The following NT5DC1 variants were observed in gnomAD, a reference collection of about 807,000 sequenced individuals.
NT5DC1 encodes 5'-nucleotidase domain containing 1, also known as 5'-nucleotidase domain-containing protein 1.
NT5DC1 carries 42 observed loss-of-function variants against 59.4 expected under a neutral mutation model. That is an observed-to-expected ratio of 0.71 (90% CI 0.55 to 0.92). NT5DC1 has a LOEUF of 0.92. Among genes scored for constraint, NT5DC1 ranks in the 40% least tolerant of loss-of-function variants. The pLI, the probability that NT5DC1 is intolerant of heterozygous loss-of-function variation, is 0.00. For synonymous variants in NT5DC1, 172 were observed against 188.1 expected, an observed-to-expected ratio of 0.91 and a Z score of 0.70; for missense variants, 501 against 537.1, an observed-to-expected ratio of 0.93 and a Z score of 0.66.
In NT5DC1 at chr6:116,240,676, TTAAA is replaced by T. The variant is rs1378779503; in HGVS notation, c.1252+1556_1252+1559del. 3.3e-5 allele frequency among the ~76,000 whole-genome samples: 5 copies of T among 152,200 alleles called. No individual in the cohort carries two copies. The East Asian group carries it at 9.6e-4, about 29-fold the overall frequency. ...GTTAACTGCTAAATGCCAAAGATAATTAAATATTAAAAGCAATCAAGAGCATAAA... is the reference window on the plus strand; with the variant it reads ...GTTAACTGCTAAATGCCAAAGATAATTATTAAAAGCAATCAAGAGCATAAA... On this transcript the variant is annotated intron_variant, in intron 11 of 11. Coordinates refer to ENST00000319550, the MANE Select transcript of NT5DC1 (RefSeq NM_152729.3).
At position 116,225,689 on chromosome 6, in the gene NT5DC1, G is replaced by C. The variant is rs187050020; in HGVS notation, c.802+2558G>C. On this transcript the variant is annotated intron_variant, in intron 8 of 11. Transcript: ENST00000319550. Reference sequence around the variant, plus strand: ...TCTTGAGTAGTTCATTGGAGGTATGGAACCAGGGTATATGTGCAGCTCTTT... The same window carrying C: ...TCTTGAGTAGTTCATTGGAGGTATGCAACCAGGGTATATGTGCAGCTCTTT... Among the ~76,000 whole-genome samples the C allele has an allele frequency of 3.3e-3, 502 of 152,334 alleles. 15 individuals are homozygous for C. The South Asian group carries it at 0.047, about 14-fold the overall frequency.
chr6:116,241,641 C>T (rs535872372), intron 11 of NT5DC1, among the ~76,000 whole-genome samples: 100 of 152,122 alleles, frequency 6.6e-4, no homozygotes, highest in African/African-American at 2.3e-3. Flanking sequence ...ATCAGCAAGA[C>T]GGCCGGGTGC....
chr6:116,123,623 ATTCC>A (rs1779203716), intron 6 of NT5DC1, among the ~76,000 whole-genome samples: 1 of 152,184 alleles, frequency 6.6e-6, no homozygotes, highest in South Asian at 2.1e-4. Context: ...AACTCTTTGA[ATTCC>A]TGTTTCAACT....
intron 6 of NT5DC1, among the ~76,000 whole-genome samples, chr6:116,209,109 T>C (rs943553427): frequency 9.2e-5 from 14 of 152,042 alleles, no homozygotes; most frequent in African/African-American, 3.4e-4. Context: ...GTGCATTATA[T>C]ATAACTAATT....
intron 6 of NT5DC1, chr6:116,120,980 C>T (rs1385865093): frequency 6.2e-7 from 1 of 1,613,950 alleles, no homozygotes. Flanking sequence ...AGGGGAACCC[C>T]TTTCACCCTT....
At chr6:116,154,889 A>G (rs1780145228) in intron 6 of NT5DC1, among the ~76,000 whole-genome samples, 1 of 152,170 alleles carries the variant, frequency 6.6e-6, no homozygotes, top group African/African-American at 2.4e-5. Context: ...TTTTAATATC[A>G]TTTTTCTTCA....
chr6:116,152,776 C>A (rs10440871), intron 6 of NT5DC1, among the ~76,000 whole-genome samples: 5,253 of 152,126 alleles, frequency 0.035, 282 homozygotes, highest in African/African-American at 0.11. Context: ...TAATATAGTT[C>A]TTGGCACCAT....
At position 116,245,633 on chromosome 6, in the gene NT5DC1, T is replaced by C. The variant is rs1231136028; in HGVS notation, c.*1609T>C. The C allele has an allele frequency of 1.3e-5, 2 of 152,216 alleles. No homozygotes were observed. Among genetic ancestry groups the C allele is most frequent in the Non-Finnish European group, 2.9e-5 (2 of 68,016 alleles). The allele number at this position is 152,216 out of a possible 1,614,324, so 9.4% of individuals were successfully genotyped here. ...TTAGGACTAAATGAAAGATACTATCTCATGTATGCTTTAAATAGAGAATTT... is the reference window on the plus strand; with the variant it reads ...TTAGGACTAAATGAAAGATACTATCCCATGTATGCTTTAAATAGAGAATTT... On this transcript the variant is annotated 3_prime_UTR_variant, in exon 12 of 12. Transcript: ENST00000319550.
chr6:116,159,039 A>T (rs1394470501), intron 6 of NT5DC1, among the ~76,000 whole-genome samples: 1 of 152,226 alleles, frequency 6.6e-6, no homozygotes, highest in Admixed American at 6.5e-5. Flanking sequence ...TTTAATTAAT[A>T]AATCTAAATG....
intron 6 of NT5DC1, among the ~76,000 whole-genome samples, chr6:116,167,042 C>T (rs1209223636): frequency 6.6e-6 from 1 of 151,868 alleles, no homozygotes; most frequent in Non-Finnish European, 1.5e-5. Flanking sequence ...TAAATTTTTG[C>T]CCCCAAGAAA....
intron 6 of NT5DC1, among the ~76,000 whole-genome samples, chr6:116,169,722 T>G (rs773980833): frequency 6.6e-6 from 1 of 152,198 alleles, no homozygotes; most frequent in Non-Finnish European, 1.5e-5. Flanking sequence ...GGGTTTGAGA[T>G]ACCCATGTGA....
chr6:116,190,028 G>A (rs951289804), intron 6 of NT5DC1, among the ~76,000 whole-genome samples: 1 of 151,920 alleles, frequency 6.6e-6, no homozygotes, highest in South Asian at 2.1e-4. Context: ...GTTTAATGTG[G>A]GCAGATTATT....
At chr6:116,127,120 A>G (rs1779337489) in intron 6 of NT5DC1, among the ~76,000 whole-genome samples, 1 of 152,192 alleles carries the variant, frequency 6.6e-6, no homozygotes, top group African/African-American at 2.4e-5. Context: ...TGAGGAGGAC[A>G]ATTCCATACA....
intron 6 of NT5DC1, among the ~76,000 whole-genome samples, chr6:116,207,708 A>G (rs1334173745): frequency 6.6e-6 from 1 of 151,932 alleles, no homozygotes; most frequent in East Asian, 1.9e-4. Context: ...CTTAGAGTAG[A>G]ATATTCTGGG....
chr6:116,123,060 G>A (rs1779183367), intron 6 of NT5DC1, among the ~76,000 whole-genome samples: 1 of 152,140 alleles, frequency 6.6e-6, no homozygotes, highest in South Asian at 2.1e-4. Context: ...TTTTTTAATG[G>A]GTTGGAGGAA....
intron 6 of NT5DC1, among the ~76,000 whole-genome samples, chr6:116,215,891 T>G (rs1432630202): frequency 6.6e-6 from 1 of 152,166 alleles, no homozygotes; most frequent in Non-Finnish European, 1.5e-5. Flanking sequence ...ATAGACTGTA[T>G]TCAGCACAGA....
At chr6:116,220,104 C>G (rs1318056228) in intron 6 of NT5DC1, among the ~76,000 whole-genome samples, 2 of 138,064 alleles carry the variant, frequency 1.4e-5, no homozygotes, top group Non-Finnish European at 3.1e-5. Flanking sequence ...CTCTATCATT[C>G]AGTACAAGCT....
intron 6 of NT5DC1, among the ~76,000 whole-genome samples, chr6:116,189,589 T>C (rs750189091): frequency 6.6e-6 from 1 of 152,026 alleles, no homozygotes; most frequent in Non-Finnish European, 1.5e-5. Context: ...TGGTTCTCTA[T>C]AGTTCTTGTG....
At chr6:116,117,976 C>G (rs75318055) in intron 6 of NT5DC1, 31 bp downstream of exon 6, 1 of 1,064,146 alleles carries the variant, frequency 9.4e-7, no homozygotes, top group Non-Finnish European at 1.5e-6. Context: ...CCTTCTAATA[C>G]GTGTTTGTTA....
Sources: allele counts gnomAD v4.1 joint callset (sites outside exome capture counted in the v4.1 genomes callset), GRCh38; gene constraint gnomAD v4.1.1; transcripts MANE v1.5; gene names NCBI Gene and HGNC (gene_info 2026-07-23, HGNC 2026-07-21).